The following IFT46 variants were observed in gnomAD, a reference collection of about 807,000 sequenced individuals.
IFT46 encodes intraflagellar transport protein 46 homolog.
Under a neutral mutation model 39.6 loss-of-function variants are expected in IFT46, and 19 were observed. The observed-to-expected ratio is 0.48, with a 90% confidence interval of 0.33 to 0.70. The LOEUF (loss-of-function observed/expected upper bound fraction) is 0.70, where lower values mean the gene tolerates loss of function less well. Among genes scored for constraint, IFT46 ranks in the 30% least tolerant of loss-of-function variants. The probability of loss-of-function intolerance (pLI) is 0.01; values close to 1 mark genes in which losing one functional copy is unlikely to be tolerated. For missense variants in IFT46, 334 were observed against 364.8 expected (o/e 0.92, Z 0.69); for synonymous variants, 117 against 134.8 (o/e 0.87, Z 0.91).
At chr11:118,551,980 T>C (rs1464261270) in intron 8 of IFT46, 128 bp from the exon 9 acceptor site, 5 of 1,066,418 alleles carry the variant, frequency 4.7e-6, no homozygotes, top group Admixed American at 2.1e-5. Context: ...CAGGAGAACC[T>C]AGACTGGGCA....
intron 2 of IFT46, among the ~76,000 whole-genome samples, chr11:118,564,591 A>T (rs1938165685): frequency 6.6e-6 from 1 of 152,080 alleles, no homozygotes; most frequent in Admixed American, 6.5e-5. Context: ...AATAGTGTTC[A>T]GTCCTTTAAA....
At chr11:118,573,571 T>A, upstream of IFT46, 1 of 645,366 alleles carries the variant, frequency 1.5e-6, no homozygotes, top group Non-Finnish European at 2.8e-6. Flanking sequence ...TGTCCTTTAG[T>A]CTTTTGAAGG....
chr11:118,548,367 C>CT lies in IFT46; in HGVS notation c.673-2515dup, dbSNP rs58602089. On this transcript the variant is annotated intron_variant, in intron 9 of 11. Transcript: ENST00000264021. Reference sequence around the variant, plus strand: ...AACTGTCACATTTTCTCCATTACGACTTTTTTTTTTTTTTTTTGGACAGAG... The same window carrying CT: ...AACTGTCACATTTTCTCCATTACGACTTTTTTTTTTTTTTTTTTGGACAGAG... Among the ~76,000 whole-genome samples, 260 of 129,736 alleles carry CT rather than the reference C, an allele frequency of 2.0e-3. 2 individuals are homozygous for CT. The highest frequency in any genetic ancestry group is 0.013 in the South Asian group (50 of 3,886). 85.1% of individuals were successfully genotyped at this position (129,736 alleles called of 152,430 possible).
intron 2 of IFT46, among the ~76,000 whole-genome samples, chr11:118,564,188 C>CAA (rs34442295): frequency 2.2e-4 from 12 of 55,096 alleles, no homozygotes; most frequent in Non-Finnish European, 3.0e-4. Flanking sequence ...GACTCTGTCT[C>CAA]AAAAAAAAAA....
chr11:118,567,304 C>T (rs377492783), upstream of IFT46, among the ~76,000 whole-genome samples: 24 of 152,012 alleles, frequency 1.6e-4, no homozygotes, highest in African/African-American at 4.6e-4. Flanking sequence ...TGGTCGGGCA[C>T]GGTGGCTCAC....
At chr11:118,561,294 A>G in intron 2 of IFT46, 2 of 1,236,084 alleles carry the variant, frequency 1.6e-6, no homozygotes, top group Non-Finnish European at 2.4e-6. Flanking sequence ...ATGGGCCAGA[A>G]TGTTGCAGAT....
At chr11:118,551,266 C>T (rs1951797273) in intron 9 of IFT46, among the ~76,000 whole-genome samples, 1 of 150,732 alleles carries the variant, frequency 6.6e-6, no homozygotes, top group Non-Finnish European at 1.5e-5. Context: ...CCCAGCTACT[C>T]GAGAGGCTGA....
chr11:118,571,028 A>G (rs1938325753), upstream of IFT46, among the ~76,000 whole-genome samples: 1 of 152,064 alleles, frequency 6.6e-6, no homozygotes, highest in African/African-American at 2.4e-5. Context: ...GGATCATGCC[A>G]CCATGCCTGG....
At chr11:118,555,656 T>G in intron 4 of IFT46, 1 of 234,844 alleles carries the variant, frequency 4.3e-6, no homozygotes, top group Non-Finnish European at 8.5e-6. Context: ...GCGTGGTGGC[T>G]CACACCTGTA....
chr11:118,573,303 G>A (rs145943599), upstream of IFT46, among the ~76,000 whole-genome samples: 2 of 152,296 alleles, frequency 1.3e-5, no homozygotes, highest in East Asian at 3.9e-4. Flanking sequence ...GTGGCATGTC[G>A]TAGTCAGATG....
At chr11:118,557,243 G>C (rs1937872688) in intron 3 of IFT46, 198 bp from the exon 4 acceptor site, 1 of 477,984 alleles carries the variant, frequency 2.1e-6, no homozygotes, top group African/African-American at 2.0e-5. Flanking sequence ...CCACTTTCTA[G>C]AACCCTATTC....
chr11:118,572,423 C>T lies in IFT46; in HGVS notation c.-133+173G>A, dbSNP rs375396039. 1,449 of 790,202 alleles carry T rather than the reference C, an allele frequency of 1.8e-3. 14 individuals are homozygous for T. The African/African-American group carries it at 0.022, about 12-fold the overall frequency. 48.9% of individuals were successfully genotyped at this position (790,202 alleles called of 1,614,324 possible). A position where few individuals can be genotyped will look rare whatever the true frequency, so the allele number is the denominator to read the frequency against. ...TTGGGGCCGCCATCTTGGCAAGAGG[C>T]GAAGCGGCAGCGGTTCCTGTCAAGG... On this transcript the variant is annotated intron_variant, in intron 1 of 5. Coordinates refer to the IFT46 transcript ENST00000528378.
intron 2 of IFT46, chr11:118,560,688 G>A: frequency 1.7e-6 from 1 of 584,016 alleles, no homozygotes; most frequent in Non-Finnish European, 3.1e-6. Flanking sequence ...CTGTTCCGCA[G>A]AATGGGGTTT....
intron 9 of IFT46, among the ~76,000 whole-genome samples, chr11:118,547,446 T>C (rs2135473456): frequency 6.6e-6 from 1 of 152,280 alleles, no homozygotes; most frequent in Admixed American, 6.5e-5. Context: ...TGAGACGGAG[T>C]CTTGCTCTGT....
chr11:118,558,001 T>G, intron 3 of IFT46: 1 of 1,080,692 alleles, frequency 9.3e-7, no homozygotes, highest in Non-Finnish European at 1.3e-6. Flanking sequence ...TGTTTAAAAT[T>G]AATTTGTTTT....
At chr11:118,569,705 A>G (rs1395482394), upstream of IFT46, among the ~76,000 whole-genome samples, 1 of 152,176 alleles carries the variant, frequency 6.6e-6, no homozygotes, top group East Asian at 1.9e-4. Context: ...TGATTTCCTC[A>G]TGTGTAAAAT....
upstream of IFT46, among the ~76,000 whole-genome samples, chr11:118,575,418 G>GTGTGTGTT (rs1938471336): frequency 6.6e-6 from 1 of 151,942 alleles, no homozygotes; most frequent in Non-Finnish European, 1.5e-5. Flanking sequence ...ACGGGTGTGT[G>GTGTGTGTT]TGTGTGTGTG....
chr11:118,555,688 G>A (rs1485777221), intron 4 of IFT46: 5 of 194,898 alleles, frequency 2.6e-5, no homozygotes, highest in African/African-American at 4.8e-5. Context: ...TTTGGAGGCC[G>A]AGGCAGGCGG....
At chr11:118,551,898 C>T (rs782222516) in intron 8 of IFT46, 46 bp from the exon 9 acceptor site, 2 of 1,515,736 alleles carry the variant, frequency 1.3e-6, no homozygotes, top group African/African-American at 1.4e-5. Context: ...GAACTGATAA[C>T]ATCAGCAACC....
Sources: gnomAD v4.1 joint callset for allele counts (sites outside exome capture counted in the v4.1 genomes callset) on GRCh38, gnomAD v4.1.1 for gene constraint, MANE v1.5 for transcripts, NCBI Gene and HGNC (gene_info 2026-07-23, HGNC 2026-07-21) for gene names.